CNOT2: variants seen among roughly 807,000 people sequenced by gnomAD.
The protein encoded by CNOT2 is CCR4-NOT transcription complex subunit 2.
Under a neutral mutation model 72.1 loss-of-function variants are expected in CNOT2, and 7 were observed. That is an observed-to-expected ratio of 0.10 (90% CI 0.06 to 0.18). The LOEUF (loss-of-function observed/expected upper bound fraction) is 0.18. Ranked by LOEUF, CNOT2 falls within the 10% of genes least tolerant of loss-of-function variation. The pLI is 1.00. For missense variants in CNOT2, 345 were observed against 660.3 expected (o/e 0.52, Z 5.23); for synonymous variants, 196 against 225.6 (o/e 0.87, Z 1.17).
intron 15 of CNOT2, among the ~76,000 whole-genome samples, chr12:70,353,142 G>A (rs963559047): frequency 2.5e-4 from 38 of 150,132 alleles, no homozygotes; most frequent in African/African-American, 8.9e-4. Flanking sequence ...GTGCAATCTT[G>A]GCTCACTGCA....
intron 13 of CNOT2, among the ~76,000 whole-genome samples, chr12:70,342,752 C>T (rs1180470819): frequency 1.3e-5 from 2 of 151,996 alleles, no homozygotes; most frequent in Non-Finnish European, 2.9e-5. Flanking sequence ...TTATTAACAA[C>T]AGATTACAGC....
At chr12:70,256,582 T>TAAAAAA (rs372870920) in intron 1 of CNOT2, among the ~76,000 whole-genome samples, 1 of 108,428 alleles carries the variant, frequency 9.2e-6, no homozygotes, top group Non-Finnish European at 1.9e-5. Flanking sequence ...GACCTGTGGG[T>TAAAAAA]AAAAAAAAAA....
intron 1 of CNOT2, among the ~76,000 whole-genome samples, chr12:70,266,653 T>C (rs956637095): frequency 3.9e-5 from 6 of 152,224 alleles, no homozygotes; most frequent in Non-Finnish European, 8.8e-5. Flanking sequence ...AGGGATATTA[T>C]GTCTTCCTGG....
chr12:70,342,962 A>G (rs993381018), intron 13 of CNOT2, among the ~76,000 whole-genome samples: 5 of 152,196 alleles, frequency 3.3e-5, no homozygotes, highest in Admixed American at 2.6e-4. Context: ...TATATACAAC[A>G]GCATTCTGAG....
At position 70,353,825 on chromosome 12, in the gene CNOT2, A is replaced by G. The variant is rs780596133; in HGVS notation, c.1537-4A>G. 1.3e-6 allele frequency: 2 copies of G among 1,593,422 alleles called. No homozygotes were observed. The highest frequency in any genetic ancestry group is 1.7e-5 in the Admixed American group (1 of 57,930). ...TATCTAAATTCTTGAATTTGTTTTT[A>G]TAGGAGTTCCATCTGGAATATGACA... On this transcript the variant is annotated splice_region_variant and splice_polypyrimidine_tract_variant and intron_variant, in intron 15 of 15. Coordinates refer to ENST00000229195, the MANE Select transcript of CNOT2 (RefSeq NM_014515.7).
chr12:70,337,809 T>G (rs749139974), intron 9 of CNOT2: 10 of 471,934 alleles, frequency 2.1e-5, no homozygotes, highest in Non-Finnish European at 2.9e-5. Context: ...TAAGGAGCTG[T>G]GTTTTTCTTG....
intron 4 of CNOT2, among the ~76,000 whole-genome samples, chr12:70,325,028 C>T (rs533131190): frequency 4.0e-5 from 6 of 151,794 alleles, no homozygotes; most frequent in East Asian, 1.9e-4. Context: ...CAGTCAAGCA[C>T]GCTATGTCTA....
At chr12:70,337,312 G>C in intron 8 of CNOT2, 77 bp from the exon 9 acceptor site, 1 of 1,271,214 alleles carries the variant, frequency 7.9e-7, no homozygotes, top group South Asian at 1.3e-5. Context: ...ATTATCATGA[G>C]GAAAGTTAAC....
intron 2 of CNOT2, among the ~76,000 whole-genome samples, chr12:70,293,451 G>A (rs1330499008): frequency 6.6e-6 from 1 of 152,154 alleles, no homozygotes; most frequent in East Asian, 1.9e-4. Context: ...GAGCCACTGT[G>A]TCTGGCCTGG....
At chr12:70,271,293 G>T (rs1315236765) in intron 1 of CNOT2, among the ~76,000 whole-genome samples, 1 of 151,476 alleles carries the variant, frequency 6.6e-6, no homozygotes, top group Admixed American at 6.6e-5. Flanking sequence ...CACTAGCCAG[G>T]ATTGGTTTAA....
Position 70,329,444 on chromosome 12 carries a change from G to A in CNOT2, c.260G>A (p.Arg87Lys), listed in dbSNP as rs901491642. 1 of 1,611,620 alleles carries A rather than the reference G, an allele frequency of 6.2e-7. No individual in the cohort carries two copies. The highest frequency in any genetic ancestry group is 1.1e-5 in the South Asian group (1 of 91,018). ...TTAGGTGCACTAGGCCTTCCAATGA[G>A]GGGGATGAGCAACAATACCCCTCAG... Reference protein sequence around the residue: ...GQQSALGLPMRGMSNNTPQLN... With the variant: ...GQQSALGLPMKGMSNNTPQLN... The change falls in exon 5 of 16, where the codon AGG becomes AAG. Residue 87 changes from arginine to lysine, a missense_variant. Arg to Lys is a conservative substitution (Grantham distance 26). Around this residue, in one of 4 missense-constraint regions of CNOT2, gnomAD observed 157 missense variants for 235.3 expected, o/e 0.67. Coordinates refer to ENST00000229195, the MANE Select transcript of CNOT2 (RefSeq NM_014515.7).
intron 1 of CNOT2, among the ~76,000 whole-genome samples, chr12:70,252,055 A>G (rs1193499131): frequency 6.6e-6 from 1 of 152,258 alleles, no homozygotes; most frequent in African/African-American, 2.4e-5. Flanking sequence ...CAAAATATAT[A>G]ACACTTGGAT....
At chr12:70,340,216 TA>T (rs919486381) in intron 11 of CNOT2, among the ~76,000 whole-genome samples, 4 of 152,172 alleles carry the variant, frequency 2.6e-5, no homozygotes, top group Non-Finnish European at 5.9e-5. Context: ...TTCATGTTAT[TA>T]AATTCAGTGG....
chr12:70,284,966 A>G (rs1287582866), intron 2 of CNOT2, among the ~76,000 whole-genome samples: 4 of 152,208 alleles, frequency 2.6e-5, no homozygotes, highest in African/African-American at 7.2e-5. Flanking sequence ...AGAAGATATA[A>G]AATATCTAGT....
At chr12:70,327,976 G>A (rs1879348024) in intron 4 of CNOT2, among the ~76,000 whole-genome samples, 1 of 151,784 alleles carries the variant, frequency 6.6e-6, no homozygotes, top group African/African-American at 2.4e-5. Flanking sequence ...TTCAAAGAAA[G>A]TGGCTTCAGC....
At chr12:70,253,397 A>G (rs541269859) in intron 1 of CNOT2, among the ~76,000 whole-genome samples, 1 of 152,342 alleles carries the variant, frequency 6.6e-6, no homozygotes, top group South Asian at 2.1e-4. Context: ...TTCCCATGCC[A>G]TTTCCTTTAT....
intron 3 of CNOT2, among the ~76,000 whole-genome samples, chr12:70,312,160 T>C (rs1876573117): frequency 6.6e-6 from 1 of 152,000 alleles, no homozygotes; most frequent in South Asian, 2.1e-4. Flanking sequence ...AATAATGTCA[T>C]CTAATTTTCT....
intron 4 of CNOT2, among the ~76,000 whole-genome samples, chr12:70,325,515 A>C (rs925174474): frequency 2.6e-5 from 4 of 151,896 alleles, no homozygotes; most frequent in Non-Finnish European, 5.9e-5. Flanking sequence ...TTAATGCCTC[A>C]TTACTTGTGA....
chr12:70,335,647 T>C (rs1424883772), intron 8 of CNOT2, 84 bp downstream of exon 8: 4 of 985,356 alleles, frequency 4.1e-6, no homozygotes, highest in African/African-American at 3.2e-5. Flanking sequence ...CGTATACATA[T>C]GCTTGTGTGT....
Sources: allele counts gnomAD v4.1 joint callset (sites outside exome capture counted in the v4.1 genomes callset), GRCh38; gene constraint gnomAD v4.1.1; regional missense constraint gnomAD v4.1.1; transcripts MANE v1.5; gene names NCBI Gene and HGNC (gene_info 2026-07-23, HGNC 2026-07-21).